EMC3: variants seen among roughly 807,000 people sequenced by gnomAD.
EMC3 encodes ER membrane protein complex subunit 3.
Under a neutral mutation model 36.6 loss-of-function variants are expected in EMC3, and 13 were observed. The ratio of observed to expected loss-of-function variants is 0.35; its 90% CI spans 0.23 to 0.56. EMC3 has a LOEUF of 0.56. Ranked by LOEUF, EMC3 falls within the 20% of genes least tolerant of loss-of-function variation. EMC3 has a pLI of 0.84. For missense variants in EMC3, 220 were observed against 324.5 expected (o/e 0.68, Z 2.47); for synonymous variants, 120 against 111.9 (o/e 1.07, Z -0.46).
chr3:9,986,686 C>T lies in EMC3; in HGVS notation c.-25G>A, dbSNP rs10258. 24,872 of 1,612,456 alleles carry T rather than the reference C, an allele frequency of 0.015. 236 individuals are homozygous for T. Among genetic ancestry groups the T allele is most frequent in the Non-Finnish European group, 0.019 (21,922 of 1,178,876 alleles). Reference sequence around the variant, plus strand: ...TCTTCACTGAAAGCTGGTTCCCAGTCTGGAATGGGCGAGCTTCTCTTCTCC... The same window carrying T: ...TCTTCACTGAAAGCTGGTTCCCAGTTTGGAATGGGCGAGCTTCTCTTCTCC... On this transcript the variant is annotated 5_prime_UTR_variant, in exon 1 of 8. Transcript: ENST00000245046.
intron 1 of EMC3, chr3:10,007,360 C>T: frequency 7.4e-7 from 1 of 1,359,648 alleles, no homozygotes; most frequent in South Asian, 1.1e-5. Flanking sequence ...TGAGAGGTCC[C>T]CAGGAGGATC....
intron 7 of EMC3, among the ~76,000 whole-genome samples, chr3:9,967,131 A>G (rs530656347): frequency 6.6e-6 from 1 of 152,252 alleles, no homozygotes; most frequent in Non-Finnish European, 1.5e-5. Context: ...CAAATATTTT[A>G]TATGAGTAAT....
At chr3:9,973,460 C>CTGGG in intron 5 of EMC3, 168 bp downstream of exon 5, 1 of 607,586 alleles carries the variant, frequency 1.6e-6, no homozygotes, top group Admixed American at 2.8e-5. Flanking sequence ...TCCCAAAGTG[C>CTGGG]TGGGATTACA....
intron 5 of EMC3, among the ~76,000 whole-genome samples, chr3:9,971,442 C>A (rs1171967578): frequency 6.6e-6 from 1 of 152,218 alleles, no homozygotes; most frequent in Non-Finnish European, 1.5e-5. Context: ...GATCCACACT[C>A]ATTCCAACAA....
chr3:9,978,863 A>C (rs963665470), intron 1 of EMC3, among the ~76,000 whole-genome samples: 5 of 132,584 alleles, frequency 3.8e-5, no homozygotes, highest in South Asian at 2.4e-4. Flanking sequence ...AACAAACAAA[A>C]AAACTGTGCT....
At chr3:9,977,316 C>T (rs1157719181) in intron 2 of EMC3, 73 bp downstream of exon 2, 17 of 1,408,730 alleles carry the variant, frequency 1.2e-5, no homozygotes, top group Non-Finnish European at 1.7e-5. Flanking sequence ...CCCAGAGCCC[C>T]CTTATAAAAC....
At chr3:9,964,956 A>G (rs1402421541) in intron 7 of EMC3, among the ~76,000 whole-genome samples, 1 of 152,140 alleles carries the variant, frequency 6.6e-6, no homozygotes, top group Non-Finnish European at 1.5e-5. Flanking sequence ...ATGCTTTATG[A>G]GTTGGGTGCA....
chr3:9,993,508 G>A (rs1480492203), intron 1 of EMC3, among the ~76,000 whole-genome samples: 1 of 152,178 alleles, frequency 6.6e-6, no homozygotes, highest in Non-Finnish European at 1.5e-5. Context: ...TTTAGGAATA[G>A]ATTTAATGTT....
At position 9,977,294 on chromosome 3, in the gene EMC3, C is replaced by A. The variant is rs565620371; in HGVS notation, c.213+95G>T. 4.4e-3 allele frequency: 5,406 copies of A among 1,224,910 alleles called. 21 individuals carry two copies. The highest frequency in any genetic ancestry group is 5.6e-3 in the Non-Finnish European group (4,889 of 871,616). 75.9% of individuals were successfully genotyped at this position (1,224,910 alleles called of 1,614,324 possible). ...CACAGCTTAATTACTAAGTTGCCAA[C>A]CTTTAGCTTTCCCCAGAGCCCCCTT... On this transcript the variant is annotated intron_variant, in intron 2 of 7. Transcript: ENST00000245046.
At chr3:10,002,277 T>TTTTATTTTATGTTATTTTATTTTATTTTA (rs371226387) in intron 1 of EMC3, among the ~76,000 whole-genome samples, 1 of 148,038 alleles carries the variant, frequency 6.8e-6, no homozygotes, top group African/African-American at 2.5e-5. Flanking sequence ...GCAGTTTCTT[T>TTTTATTTTATGTTATTTTATTTTATTTTA]TTTTATTTTA....
At chr3:9,981,741 A>G (rs2085914022) in intron 1 of EMC3, 1 of 442,226 alleles carries the variant, frequency 2.3e-6, no homozygotes, top group African/African-American at 2.1e-5. Context: ...GGCCTGAAAG[A>G]TATTTTCTTG....
In EMC3 at chr3:9,986,693, G is replaced by T; in HGVS notation, c.-32C>A. 6.2e-7 allele frequency: 1 copy of T among 1,611,542 alleles called. No homozygotes were observed. Among genetic ancestry groups the T allele is most frequent in the South Asian group, 1.1e-5 (1 of 90,932 alleles). The stretch of plus-strand genomic sequence containing the variant: ...TGAAAGCTGGTTCCCAGTCTGGAAT[G>T]GGCGAGCTTCTCTTCTCCGGGGCAC... On this transcript the variant is annotated 5_prime_UTR_variant, in exon 1 of 8. Transcript: ENST00000245046.
chr3:10,000,673 C>G (rs555336628), intron 1 of EMC3: 2 of 476,248 alleles, frequency 4.2e-6, no homozygotes, highest in African/African-American at 2.0e-5. Flanking sequence ...GATAAGCTAT[C>G]AAGCCTGCCC....
chr3:9,974,833 C>T (rs1335454186), intron 3 of EMC3, among the ~76,000 whole-genome samples: 1 of 143,948 alleles, frequency 6.9e-6, no homozygotes, highest in African/African-American at 2.6e-5. Context: ...GCTGGGATTA[C>T]AGGCGGGAGC....
At chr3:10,005,932 T>C (rs929382428) in intron 1 of EMC3, among the ~76,000 whole-genome samples, 1 of 152,140 alleles carries the variant, frequency 6.6e-6, no homozygotes, top group Non-Finnish European at 1.5e-5. Context: ...CCACCTTCCC[T>C]CTCTCACTGA....
chr3:9,986,728 TCTTCGGCTTCGC>T lies in EMC3; in HGVS notation c.-79_-68del, dbSNP rs1559354681. The T allele has an allele frequency of 6.3e-7, 1 of 1,591,306 alleles. No homozygotes were observed. Among genetic ancestry groups the T allele is most frequent in the Non-Finnish European group, 8.6e-7 (1 of 1,168,450 alleles). ...CTCTTCTCCGGGGCACAGTTGCTTC[TCTTCGGCTTCGC>T]CTCCGGGCCTTCTCAAGCCCCTTTG... On this transcript the variant is annotated 5_prime_UTR_variant, in exon 1 of 8. Coordinates refer to ENST00000245046, the MANE Select transcript of EMC3 (RefSeq NM_001394674.1).
In EMC3 at chr3:9,963,456, T is replaced by TAGATAGATAGATAGATAG. The variant is rs758502481; in HGVS notation, c.*612_*613insCTATCTATCTATCTATCT. The stretch of plus-strand genomic sequence containing the variant: ...AAGACTGGGCTTCTGCTAAGATAGA[T>TAGATAGATAGATAGATAG]ATATATATATATATATATATATTTT... On this transcript the variant is annotated 3_prime_UTR_variant, in exon 8 of 8. Transcript: ENST00000245046. 4 of 100,758 alleles carry TAGATAGATAGATAGATAG rather than the reference T, an allele frequency of 4.0e-5. No homozygotes were observed. In the South Asian group the frequency reaches 1.1e-3, roughly 27 times the overall value. The allele number at this position is 100,758 out of a possible 1,614,324, so 6.2% of individuals were successfully genotyped here. A position where few individuals can be genotyped will look rare whatever the true frequency, so the allele number is the denominator to read the frequency against.
intron 7 of EMC3, chr3:9,969,224 T>C (rs928286970): frequency 6.7e-5 from 40 of 601,158 alleles, no homozygotes; most frequent in Non-Finnish European, 8.3e-5. Flanking sequence ...CCTCCCAAAG[T>C]GCTGGGATTA....
chr3:9,990,570 C>A (rs189995199), upstream of EMC3, among the ~76,000 whole-genome samples: 329 of 151,906 alleles, frequency 2.2e-3, no homozygotes, highest in Non-Finnish European at 3.3e-3. Flanking sequence ...AGTGAAGTGC[C>A]ACAATCTCGG....
Sources: allele counts gnomAD v4.1 joint callset (sites outside exome capture counted in the v4.1 genomes callset), GRCh38; gene constraint gnomAD v4.1.1; transcripts MANE v1.5; gene names NCBI Gene and HGNC (gene_info 2026-07-23, HGNC 2026-07-21).